The following THSD4 variants were observed in gnomAD, a reference collection of about 807,000 sequenced individuals.
THSD4 encodes thrombospondin type 1 domain containing 4.
In THSD4, 69 loss-of-function variants were observed where a neutral mutation model predicts 119.0. The ratio of observed to expected loss-of-function variants is 0.58; its 90% confidence interval spans 0.48 to 0.71. The LOEUF is 0.71. Ranked by LOEUF, THSD4 falls within the 30% of genes least tolerant of loss-of-function variation. The pLI, the probability that THSD4 is intolerant of heterozygous loss-of-function variation, is 0.00. For missense variants in THSD4, 1,393 were observed against 1,391.1 expected, an observed-to-expected ratio of 1.00 and a Z score of -0.02; for synonymous variants, 524 against 540.4, an observed-to-expected ratio of 0.97 and a Z score of 0.42.
chr15:71,123,909 G>A (rs1452889047), intron 1 of THSD4, among the ~76,000 whole-genome samples: 1 of 152,194 alleles, frequency 6.6e-6, no homozygotes, highest in Non-Finnish European at 1.5e-5. Context: ...AAAACACATA[G>A]CTTTGCTTTG....
rs2052650655 is a variant in THSD4, at chr15:71,718,416, G to T, written c.1358-10133G>T. Among the ~76,000 whole-genome samples the T allele has an allele frequency of 3.3e-5, 5 of 152,298 alleles. No homozygotes were observed. The South Asian group carries it at 1.0e-3, about 32-fold the overall frequency. Reference sequence around the variant, plus strand: ...AGCGTGGCCTGAGATGGCCACAGTTGCAGGGCTGGTTCTGTCCATGGGCTG... The same window carrying T: ...AGCGTGGCCTGAGATGGCCACAGTTTCAGGGCTGGTTCTGTCCATGGGCTG... On this transcript the variant is annotated intron_variant, in intron 8 of 17. Coordinates refer to ENST00000261862, the MANE Select transcript of THSD4 (RefSeq NM_024817.3).
At chr15:71,576,307 T>C (rs533960943) in intron 7 of THSD4, among the ~76,000 whole-genome samples, 47 of 152,328 alleles carry the variant, frequency 3.1e-4, no homozygotes, top group South Asian at 1.0e-3. Flanking sequence ...CCTGTTAGCA[T>C]TTGCAGTTGA....
At chr15:71,366,070 T>A (rs1322725527) in intron 6 of THSD4, among the ~76,000 whole-genome samples, 3 of 151,996 alleles carry the variant, frequency 2.0e-5, no homozygotes, top group East Asian at 1.9e-4. Flanking sequence ...TTTTTTTGTT[T>A]TGTTTTGTTT....
Position 71,659,003 on chromosome 15 carries a change from G to A in THSD4, c.1153-1527G>A, listed in dbSNP as rs552281192. Reference sequence around the variant, plus strand: ...TCTGCCCACAGGATTTGACCTATAGGACCTACCTGAAGAGACCCAGGGTTG... The same window carrying A: ...TCTGCCCACAGGATTTGACCTATAGAACCTACCTGAAGAGACCCAGGGTTG... On this transcript the variant is annotated intron_variant, in intron 7 of 17. Coordinates refer to ENST00000261862, the MANE Select transcript of THSD4 (RefSeq NM_024817.3). Among the ~76,000 whole-genome samples, 11 of 152,274 alleles carry A rather than the reference G, an allele frequency of 7.2e-5. No individual in the cohort carries two copies. In the East Asian group the frequency reaches 2.1e-3, roughly 29 times the overall value.
chr15:71,386,323 C>T (rs938647694), intron 6 of THSD4, among the ~76,000 whole-genome samples: 27 of 152,124 alleles, frequency 1.8e-4, no homozygotes, highest in African/African-American at 6.5e-4. Context: ...CCAAGGAGGA[C>T]AGGTAAGCAA....
chr15:71,472,770 T>G (rs1056967495), intron 7 of THSD4, among the ~76,000 whole-genome samples: 5 of 152,226 alleles, frequency 3.3e-5, no homozygotes, highest in African/African-American at 1.2e-4. Flanking sequence ...TTGTGTGTTA[T>G]TCTCATAAAG....
chr15:71,604,339 T>G (rs1338913597), intron 7 of THSD4, among the ~76,000 whole-genome samples: 1 of 152,234 alleles, frequency 6.6e-6, no homozygotes, highest in African/African-American at 2.4e-5. Context: ...TTTATAACAC[T>G]TTGTAATTTA....
At chr15:71,281,377 A>G (rs2044650299) in intron 6 of THSD4, among the ~76,000 whole-genome samples, 1 of 152,264 alleles carries the variant, frequency 6.6e-6, no homozygotes. Context: ...GGCTATGCAC[A>G]GGAAAACGCA....
At chr15:71,544,895 T>C (rs539867716) in intron 7 of THSD4, among the ~76,000 whole-genome samples, 4 of 152,248 alleles carry the variant, frequency 2.6e-5, no homozygotes, top group African/African-American at 9.6e-5. Context: ...GTGAAATAAG[T>C]CAGACACAAA....
At chr15:71,299,250 G>A (rs1305535908) in intron 6 of THSD4, among the ~76,000 whole-genome samples, 1 of 152,168 alleles carries the variant, frequency 6.6e-6, no homozygotes, top group African/African-American at 2.4e-5. Flanking sequence ...TAAGAATTGT[G>A]GATGCTTCGA....
intron 3 of THSD4, among the ~76,000 whole-genome samples, chr15:71,201,035 A>G (rs2043799582): frequency 6.6e-6 from 1 of 152,186 alleles, no homozygotes; most frequent in African/African-American, 2.4e-5. Context: ...ATGCCTGGAA[A>G]CACTATCTGG....
chr15:71,702,725 A>G (rs2052316531), intron 8 of THSD4, among the ~76,000 whole-genome samples: 1 of 152,142 alleles, frequency 6.6e-6, no homozygotes, highest in Non-Finnish European at 1.5e-5. Flanking sequence ...TCTTTCTGCA[A>G]TGCACTTCCC....
At chr15:71,108,072 C>T (rs2040281463) in intron 1 of THSD4, among the ~76,000 whole-genome samples, 1 of 152,248 alleles carries the variant, frequency 6.6e-6, no homozygotes, top group African/African-American at 2.4e-5. Flanking sequence ...CTGATGTCTT[C>T]CACCTCCATG....
intron 6 of THSD4, among the ~76,000 whole-genome samples, chr15:71,306,522 C>A (rs931081742): frequency 6.6e-6 from 1 of 151,916 alleles, no homozygotes; most frequent in Non-Finnish European, 1.5e-5. Flanking sequence ...TTAAGGTAAA[C>A]AAAGCAGCAC....
At chr15:71,339,617 C>T (rs766374001) in intron 6 of THSD4, among the ~76,000 whole-genome samples, 9 of 152,146 alleles carry the variant, frequency 5.9e-5, no homozygotes, top group Admixed American at 2.0e-4. Flanking sequence ...GTAGGAACTT[C>T]TCTGTCATAA....
intron 1 of THSD4, among the ~76,000 whole-genome samples, chr15:71,097,728 AT>A (rs398027839): frequency 0.022 from 3,060 of 140,558 alleles, 81 homozygotes; most frequent in African/African-American, 0.058. Flanking sequence ...ATATATATAT[AT>A]TTTTTTTTTT....
chr15:71,436,366 C>T (rs914760941), intron 7 of THSD4, among the ~76,000 whole-genome samples: 2 of 152,260 alleles, frequency 1.3e-5, no homozygotes, highest in South Asian at 4.1e-4. Flanking sequence ...TAAAAATACA[C>T]CAGAGCTGCT....
At chr15:71,550,896 C>G (rs2048916527) in intron 7 of THSD4, among the ~76,000 whole-genome samples, 1 of 152,158 alleles carries the variant, frequency 6.6e-6, no homozygotes, top group African/African-American at 2.4e-5. Context: ...ACTACTGAAC[C>G]ATATCCTTTA....
chr15:71,112,213 G>A (rs1249444492), upstream of THSD4: 1 of 1,613,306 alleles, frequency 6.2e-7, no homozygotes, highest in South Asian at 1.1e-5. Flanking sequence ...CTGTGGGTGT[G>A]GCTGTAGGCA....
Sources: allele counts gnomAD v4.1 joint callset (sites outside exome capture counted in the v4.1 genomes callset), GRCh38; gene constraint gnomAD v4.1.1; transcripts MANE v1.5; gene names NCBI Gene and HGNC (gene_info 2026-07-23, HGNC 2026-07-21).